KIF1B: variants seen among roughly 807,000 people sequenced by gnomAD.
The protein encoded by KIF1B is kinesin family member 1B.
KIF1B carries 76 observed loss-of-function variants against 241.9 expected under a neutral mutation model. The observed-to-expected ratio is 0.31, with a 90% CI of 0.26 to 0.38. The LOEUF (loss-of-function observed/expected upper bound fraction) is 0.38. KIF1B is among the 10% of genes least tolerant of loss of function. The probability of loss-of-function intolerance (pLI) is 1.00; values close to 1 mark genes in which losing one functional copy is unlikely to be tolerated. For missense variants in KIF1B, 1,622 were observed against 2,271.4 expected, an observed-to-expected ratio of 0.71 and a Z score of 5.81; for synonymous variants, 750 against 796.7, an observed-to-expected ratio of 0.94 and a Z score of 0.99.
At position 10,378,352 on chromosome 1, in the gene KIF1B, G is replaced by A. The variant is rs1362616490; in HGVS notation, c.*1765G>A. On this transcript the variant is annotated 3_prime_UTR_variant, in exon 49 of 49. Coordinates refer to ENST00000676179, the MANE Select transcript of KIF1B (RefSeq NM_001365951.3). The stretch of plus-strand genomic sequence containing the variant: ...TCCTTCTGACAGACCAGGTCATCTG[G>A]CTTCCGAGATCATCAGAGAAGATAA... The A allele has an allele frequency of 1.4e-6, 1 of 717,974 alleles. No homozygotes were observed. The highest frequency in any genetic ancestry group is 2.0e-5 in the Admixed American group (1 of 50,008). The allele number at this position is 717,974 out of a possible 1,614,324, so 44.5% of individuals were successfully genotyped here. A position where few individuals can be genotyped will look rare whatever the true frequency, so the allele number is the denominator to read the frequency against.
chr1:10,333,366 A>G (rs911693285), intron 27 of KIF1B, among the ~76,000 whole-genome samples: 1 of 146,616 alleles, frequency 6.8e-6, no homozygotes, highest in Non-Finnish European at 1.5e-5. Context: ...GTGAAACTCC[A>G]TCTCAAAATA....
chr1:10,298,179 A>AT (rs1650362513), intron 22 of KIF1B, among the ~76,000 whole-genome samples: 1 of 152,218 alleles, frequency 6.6e-6, no homozygotes, highest in South Asian at 2.1e-4. Context: ...GGAAGTTCTC[A>AT]TTTTTTAAGA....
In KIF1B at chr1:10,292,116, T is replaced by C. The variant is rs756207966; in HGVS notation, c.1584T>C (p.Pro528=). 4 of 1,613,356 alleles carry C rather than the reference T, an allele frequency of 2.5e-6. No homozygotes were observed. Among genetic ancestry groups the C allele is most frequent in the Non-Finnish European group, 3.4e-6 (4 of 1,179,352 alleles). The change falls in exon 17 of 49, where the codon CCT becomes CCC. Residue 528 remains proline (P), a synonymous_variant. Transcript: ENST00000676179. The part of the protein sequence containing the change: ...EDGGTLGVFS[P]KKTPHLVNLN... ...GAGGAACCCTAGGGGTTTTCTCACC[T>C]AAAAAGGTAGGAAACAATGCTGTGA...
intron 10 of KIF1B, among the ~76,000 whole-genome samples, chr1:10,273,969 C>T (rs1431502184): frequency 3.7e-5 from 5 of 136,684 alleles, no homozygotes; most frequent in African/African-American, 1.4e-4. Context: ...CCAGGTCTCT[C>T]ACTGCTGCCC....
chr1:10,372,947 G>C lies in KIF1B; in HGVS notation c.4947-1369G>C, dbSNP rs1473307088. On this transcript the variant is annotated intron_variant, in intron 45 of 48. Coordinates refer to ENST00000676179, the MANE Select transcript of KIF1B (RefSeq NM_001365951.3). ...TCCTGCCTCAGCCTCCAAAGTAGCT[G>C]GGATTACAGGCACCCGCCACCATGC... Among the ~76,000 whole-genome samples, 3 of 151,650 alleles carry C rather than the reference G, an allele frequency of 2.0e-5. No individual in the cohort carries two copies. The East Asian group carries it at 5.9e-4, about 30-fold the overall frequency.
At chr1:10,273,613 T>A (rs536779592) in intron 10 of KIF1B, among the ~76,000 whole-genome samples, 24 of 150,644 alleles carry the variant, frequency 1.6e-4, no homozygotes, top group Non-Finnish European at 3.4e-4. Context: ...ATTGTGTGTC[T>A]GTGGGTAGAG....
chr1:10,306,318 G>T, intron 22 of KIF1B: 1 of 1,047,456 alleles, frequency 9.5e-7, no homozygotes, highest in African/African-American at 1.7e-5. Flanking sequence ...CATTTGGTTT[G>T]AATGTACTTG....
At chr1:10,252,414 T>C (rs1442152591) in intron 2 of KIF1B, among the ~76,000 whole-genome samples, 2 of 151,774 alleles carry the variant, frequency 1.3e-5, no homozygotes, top group Non-Finnish European at 1.5e-5. Context: ...GTTGTTGTTG[T>C]TGCTGTTGTT....
At chr1:10,291,964 C>A in intron 16 of KIF1B, 83 bp from the exon 17 acceptor site, 1 of 1,182,070 alleles carries the variant, frequency 8.5e-7, no homozygotes, top group Non-Finnish European at 1.3e-6. Context: ...TTTTGCTTTG[C>A]AGGCTTTATT....
chr1:10,361,835 T>C lies in KIF1B; in HGVS notation c.4304+10T>C. ...CAAAGTCACCAGATTCGTAAGTTTT[T>C]CACACAAGTTAGCTTCCAGTGTGTT... On this transcript the variant is annotated intron_variant, in intron 40 of 48. Coordinates refer to ENST00000676179, the MANE Select transcript of KIF1B (RefSeq NM_001365951.3). 1 of 1,613,442 alleles carries C rather than the reference T, an allele frequency of 6.2e-7. No individual in the cohort carries two copies. Among genetic ancestry groups the C allele is most frequent in the Non-Finnish European group, 8.5e-7 (1 of 1,179,998 alleles).
intron 2 of KIF1B, among the ~76,000 whole-genome samples, chr1:10,234,920 C>T (rs1052036695): frequency 9.3e-5 from 14 of 150,838 alleles, no homozygotes; most frequent in African/African-American, 3.4e-4. Context: ...GAGTCTTGCT[C>T]TGTCACCCAG....
chr1:10,293,906 A>G (rs539976004), intron 17 of KIF1B, among the ~76,000 whole-genome samples: 272 of 152,288 alleles, frequency 1.8e-3, no homozygotes, highest in African/African-American at 6.3e-3. Context: ...ATCCAAACTC[A>G]GTCTTAGGAC....
intron 22 of KIF1B, 151 bp from the exon 23 acceptor site, chr1:10,319,892 C>T (rs1651455615): frequency 1.6e-6 from 1 of 623,494 alleles, no homozygotes; most frequent in Admixed American, 2.5e-5. Flanking sequence ...CTAAACATTT[C>T]CCTGTATGTC....
At chr1:10,347,642 A>T (rs1052534865) in intron 35 of KIF1B, 119 bp from the exon 36 acceptor site, 12 of 809,722 alleles carry the variant, frequency 1.5e-5, no homozygotes, top group Non-Finnish European at 2.4e-5. Flanking sequence ...TGTATGATTA[A>T]ATGCCAGCAT....
chr1:10,299,434 T>A (rs978062452), intron 22 of KIF1B, among the ~76,000 whole-genome samples: 1 of 152,188 alleles, frequency 6.6e-6, no homozygotes, highest in Non-Finnish European at 1.5e-5. Context: ...AGGAACTGAT[T>A]TCTAACACTT....
intron 17 of KIF1B, chr1:10,292,361 C>T (rs1246246447): frequency 5.3e-5 from 25 of 471,998 alleles, no homozygotes; most frequent in Non-Finnish European, 2.3e-5. Context: ...CAATATGTAA[C>T]CTTTGGCCAT....
At chr1:10,323,580 T>C (rs1379906399) in intron 24 of KIF1B, among the ~76,000 whole-genome samples, 2 of 152,126 alleles carry the variant, frequency 1.3e-5, no homozygotes, top group Non-Finnish European at 2.9e-5. Flanking sequence ...TGTGATTGCA[T>C]CACTGCACCC....
chr1:10,226,334 G>T (rs1315686818), intron 1 of KIF1B, among the ~76,000 whole-genome samples: 1 of 152,178 alleles, frequency 6.6e-6, no homozygotes, highest in African/African-American at 2.4e-5. Flanking sequence ...CTAGGTAGAG[G>T]AGTCGAGTAG....
chr1:10,293,274 T>C (rs1224334266), intron 17 of KIF1B, among the ~76,000 whole-genome samples: 1 of 152,176 alleles, frequency 6.6e-6, no homozygotes, highest in Non-Finnish European at 1.5e-5. Flanking sequence ...CATTCAGATA[T>C]GTTACTTAGG....
Sources: gnomAD v4.1 joint callset for allele counts (sites outside exome capture counted in the v4.1 genomes callset) on GRCh38, gnomAD v4.1.1 for gene constraint, MANE v1.5 for transcripts, NCBI Gene and HGNC (gene_info 2026-07-23, HGNC 2026-07-21) for gene names.